The following MGAT5 variants were observed in gnomAD, a reference collection of about 807,000 sequenced individuals.
MGAT5 encodes alpha-1,6-mannosylglycoprotein 6-beta-N-acetylglucosaminyltransferase A.
MGAT5 carries 30 observed loss-of-function variants against 94.3 expected under a neutral mutation model. That is an observed-to-expected ratio of 0.32 (90% confidence interval 0.24 to 0.43). MGAT5 has a LOEUF of 0.43. Among genes scored for constraint, MGAT5 ranks in the 20% least tolerant of loss-of-function variants. MGAT5 has a pLI of 1.00. For missense variants in MGAT5, 691 were observed against 905.5 expected, an observed-to-expected ratio of 0.76 and a Z score of 3.04; for synonymous variants, 310 against 322.9, an observed-to-expected ratio of 0.96 and a Z score of 0.43.
intron 1 of MGAT5, among the ~76,000 whole-genome samples, chr2:134,160,423 C>T (rs780177443): frequency 6.6e-6 from 1 of 152,240 alleles, no homozygotes; most frequent in South Asian, 2.1e-4. Flanking sequence ...CCGCCTGCCT[C>T]GGCCTCCCAA....
chr2:134,321,690 G>C (rs1421867650), intron 4 of MGAT5, among the ~76,000 whole-genome samples: 1 of 152,178 alleles, frequency 6.6e-6, no homozygotes, highest in Non-Finnish European at 1.5e-5. Context: ...CTCTTCTTAT[G>C]CAGATATCGG....
chr2:134,445,890 G>A (rs372298014), intron 15 of MGAT5, among the ~76,000 whole-genome samples: 9 of 152,286 alleles, frequency 5.9e-5, no homozygotes, highest in East Asian at 3.9e-4. Flanking sequence ...GTGCTCTAGC[G>A]ATTGGGGAAA....
chr2:134,197,193 T>C (rs1273019680), intron 1 of MGAT5, among the ~76,000 whole-genome samples: 3 of 152,190 alleles, frequency 2.0e-5, no homozygotes, highest in Admixed American at 6.5e-5. Flanking sequence ...TATGCCCCAA[T>C]ATACTTCAGT....
At chr2:134,198,046 A>G (rs1308364208) in intron 1 of MGAT5, among the ~76,000 whole-genome samples, 3 of 152,220 alleles carry the variant, frequency 2.0e-5, no homozygotes, top group Admixed American at 6.5e-5. Context: ...TGGGGGAGCA[A>G]TAAGGATCCA....
chr2:134,417,808 A>G (rs566309733), intron 12 of MGAT5, among the ~76,000 whole-genome samples: 1 of 152,266 alleles, frequency 6.6e-6, no homozygotes, highest in Non-Finnish European at 1.5e-5. Flanking sequence ...AGTGTCACAT[A>G]CTATACAAAT....
intron 1 of MGAT5, among the ~76,000 whole-genome samples, chr2:134,124,022 T>C (rs1251757893): frequency 6.6e-6 from 1 of 152,238 alleles, no homozygotes; most frequent in Non-Finnish European, 1.5e-5. Flanking sequence ...TATACTGTTT[T>C]ACATCCTATG....
At chr2:134,262,929 TA>T (rs1364390533) in intron 1 of MGAT5, among the ~76,000 whole-genome samples, 3 of 152,214 alleles carry the variant, frequency 2.0e-5, no homozygotes, top group African/African-American at 7.2e-5. Flanking sequence ...ACCACCCTAC[TA>T]AACTAGGAGA....
intron 1 of MGAT5, among the ~76,000 whole-genome samples, chr2:134,177,547 G>A (rs748621114): frequency 6.6e-6 from 1 of 152,204 alleles, no homozygotes; most frequent in Non-Finnish European, 1.5e-5. Flanking sequence ...GTGAGTAGCT[G>A]GCATTCCTCT....
At chr2:134,332,059 A>G (rs796511043) in intron 4 of MGAT5, among the ~76,000 whole-genome samples, 40 of 152,210 alleles carry the variant, frequency 2.6e-4, no homozygotes, top group African/African-American at 9.4e-4. Flanking sequence ...GCTACCAATG[A>G]CTTTCTTCAC....
intron 6 of MGAT5, among the ~76,000 whole-genome samples, chr2:134,338,870 G>A (rs1291800014): frequency 6.6e-6 from 1 of 152,044 alleles, no homozygotes; most frequent in African/African-American, 2.4e-5. Flanking sequence ...GAGAGAGAGA[G>A]AAATTTGATT....
rs1686068390 is a variant in MGAT5, at chr2:134,130,204, C to CCTGCCCCACA, written c.-143+9914_-143+9915insTGCCCCACAC. Among the ~76,000 whole-genome samples the CCTGCCCCACA allele has an allele frequency of 1.3e-3, 79 of 60,348 alleles. 1 individual carries two copies. The highest frequency in any genetic ancestry group is 5.5e-4 in the Non-Finnish European group (16 of 29,118). 39.6% of individuals were successfully genotyped at this position (60,348 alleles called of 152,430 possible). A position where few individuals can be genotyped will look rare whatever the true frequency, so the allele number is the denominator to read the frequency against. ...TGCAGCCCGCCATGCTGGAGCCCGC[C>CCTGCCCCACA]CCGCCCCACACCGCCCCACACCGCC... is the stretch of plus-strand genomic sequence containing the variant. On this transcript the variant is annotated intron_variant, in intron 1 of 16. Transcript: ENST00000409645.
At chr2:134,445,943 G>C (rs962264459) in intron 15 of MGAT5, among the ~76,000 whole-genome samples, 1 of 152,160 alleles carries the variant, frequency 6.6e-6, no homozygotes, top group African/African-American at 2.4e-5. Context: ...AAGGATAATG[G>C]AGTCACCTTC....
chr2:134,279,429 C>T (rs1363619291), intron 2 of MGAT5, among the ~76,000 whole-genome samples: 1 of 152,114 alleles, frequency 6.6e-6, no homozygotes, highest in Non-Finnish European at 1.5e-5. Context: ...CCTCCACTAC[C>T]TGAGAGGTTG....
intron 6 of MGAT5, among the ~76,000 whole-genome samples, chr2:134,339,667 A>C (rs112004930): frequency 6.6e-6 from 1 of 152,178 alleles, no homozygotes; most frequent in Non-Finnish European, 1.5e-5. Context: ...TAGAAACTAG[A>C]CTTCTGAATA....
chr2:134,271,230 C>T (rs1052741890), intron 2 of MGAT5, among the ~76,000 whole-genome samples: 2 of 151,564 alleles, frequency 1.3e-5, no homozygotes, highest in East Asian at 1.9e-4. Flanking sequence ...CCCCCATCCC[C>T]GCAACTCCCC....
chr2:134,243,077 A>G (rs541200929), intron 1 of MGAT5, among the ~76,000 whole-genome samples: 2 of 151,754 alleles, frequency 1.3e-5, no homozygotes, highest in East Asian at 3.9e-4. Flanking sequence ...AAATTCTAGA[A>G]TGGATCACAT....
At chr2:134,133,305 C>T in intron 1 of MGAT5, among the ~76,000 whole-genome samples, 1 of 152,182 alleles carries the variant, frequency 6.6e-6, no homozygotes. Flanking sequence ...CCTTAAAGGC[C>T]AAATTTCTCC....
intron 1 of MGAT5, among the ~76,000 whole-genome samples, chr2:134,172,674 C>T (rs1278877545): frequency 1.3e-5 from 2 of 152,200 alleles, no homozygotes; most frequent in Non-Finnish European, 2.9e-5. Context: ...GTGTGAGCCA[C>T]CATGCCCAGC....
At chr2:134,156,122 G>C (rs540413869) in intron 1 of MGAT5, among the ~76,000 whole-genome samples, 73 of 152,288 alleles carry the variant, frequency 4.8e-4, no homozygotes, top group Non-Finnish European at 8.7e-4. Context: ...CTCCCTAACT[G>C]TGAGATGAAT....
Sources: allele counts gnomAD v4.1 joint callset (sites outside exome capture counted in the v4.1 genomes callset), GRCh38; gene constraint gnomAD v4.1.1; transcripts MANE v1.5; gene names NCBI Gene and HGNC (gene_info 2026-07-23, HGNC 2026-07-21).